Variants in LPP observed in about 807,000 individuals in gnomAD.
LPP encodes the protein lipoma-preferred partner.
Under a neutral mutation model 60.4 loss-of-function variants are expected in LPP, and 38 were observed. The observed-to-expected ratio is 0.63, with a 90% confidence interval of 0.49 to 0.83. LPP has a LOEUF of 0.83. LPP is among the 40% of genes least tolerant of loss of function. The probability of loss-of-function intolerance (pLI) is 0.00; values close to 1 mark genes in which losing one functional copy is unlikely to be tolerated. For synonymous variants in LPP, 328 were observed against 290.8 expected (o/e 1.13, Z -1.30); for missense variants, 902 against 783.6 (o/e 1.15, Z -1.80).
At chr3:188,191,856 A>G (rs1176453354) in intron 1 of LPP, among the ~76,000 whole-genome samples, 1 of 152,196 alleles carries the variant, frequency 6.6e-6, no homozygotes, top group Non-Finnish European at 1.5e-5. Flanking sequence ...TTTAGTAGGC[A>G]AGTTATCCAT....
chr3:188,673,051 C>T (rs115217047), intron 7 of LPP, among the ~76,000 whole-genome samples: 1 of 151,342 alleles, frequency 6.6e-6, no homozygotes, highest in African/African-American at 2.4e-5. Flanking sequence ...GTGTGTGCAA[C>T]ATGGTCTGTC....
At chr3:188,401,052 T>G (rs1782123337) in intron 3 of LPP, among the ~76,000 whole-genome samples, 1 of 152,228 alleles carries the variant, frequency 6.6e-6, no homozygotes, top group Non-Finnish European at 1.5e-5. Flanking sequence ...GTATTCATTT[T>G]GCAAATGAGT....
chr3:188,206,552 A>G (rs1733278948), intron 1 of LPP, among the ~76,000 whole-genome samples: 1 of 152,210 alleles, frequency 6.6e-6, no homozygotes, highest in Non-Finnish European at 1.5e-5. Flanking sequence ...GATCTAATGG[A>G]GAGACAGAAA....
intron 8 of LPP, among the ~76,000 whole-genome samples, chr3:188,741,346 A>T (rs1560141141): frequency 6.6e-6 from 1 of 151,930 alleles, no homozygotes; most frequent in Non-Finnish European, 1.5e-5. Flanking sequence ...TTTTAGAGCA[A>T]ATCTTCATAT....
chr3:188,491,884 T>C (rs1325907131), intron 5 of LPP, among the ~76,000 whole-genome samples: 4 of 152,192 alleles, frequency 2.6e-5, no homozygotes, highest in Admixed American at 6.5e-5. Context: ...TAGGAAACTT[T>C]TAATGGAATA....
intron 9 of LPP, among the ~76,000 whole-genome samples, chr3:188,825,302 T>TGC (rs1755162111): frequency 6.7e-6 from 1 of 149,640 alleles, no homozygotes; most frequent in African/African-American, 2.5e-5. Context: ...TGTGTGTGTG[T>TGC]GTGTGTGTGT....
intron 8 of LPP, chr3:188,746,381 C>G: frequency 2.2e-6 from 1 of 455,512 alleles, no homozygotes; most frequent in South Asian, 1.6e-5. Flanking sequence ...ATGAAAGGAA[C>G]AATCTACAGG....
intron 7 of LPP, among the ~76,000 whole-genome samples, chr3:188,657,541 C>T (rs1342701697): frequency 6.6e-6 from 1 of 151,848 alleles, no homozygotes; most frequent in Non-Finnish European, 1.5e-5. Context: ...GTTTGCTACT[C>T]GTGAGTTTAT....
At chr3:188,735,772 T>A (rs952205106) in intron 8 of LPP, among the ~76,000 whole-genome samples, 21 of 152,172 alleles carry the variant, frequency 1.4e-4, no homozygotes, top group Admixed American at 9.2e-4. Flanking sequence ...AGTTTCAAAC[T>A]AACACTGTGG....
At chr3:188,288,919 A>G (rs1245385570) in intron 2 of LPP, among the ~76,000 whole-genome samples, 12 of 150,616 alleles carry the variant, frequency 8.0e-5, no homozygotes, top group African/African-American at 2.7e-4. Flanking sequence ...AAATGATGTT[A>G]TAAGTTTTTG....
chr3:188,490,481 C>T lies in LPP; in HGVS notation c.306+5777C>T, dbSNP rs554221710. On this transcript the variant is annotated intron_variant, in intron 5 of 11. Transcript: ENST00000617246. ...GTTCAAGCGATTCTCCTGTCTCAGC[C>T]CACCGAGTAGCTGGGACTTTATAAG... 5.6e-4 allele frequency among the ~76,000 whole-genome samples: 85 copies of T among 151,860 alleles called. 2 individuals carry two copies. The South Asian group carries it at 0.016, about 29-fold the overall frequency.
intron 9 of LPP, among the ~76,000 whole-genome samples, chr3:188,837,891 G>T (rs1000377994): frequency 6.6e-6 from 1 of 152,134 alleles, no homozygotes; most frequent in African/African-American, 2.4e-5. Context: ...AATCCTGGCA[G>T]TGTGTTCTTT....
chr3:188,603,268 A>T (rs1841779549), intron 6 of LPP, among the ~76,000 whole-genome samples: 1 of 151,422 alleles, frequency 6.6e-6, no homozygotes, highest in African/African-American at 2.4e-5. Flanking sequence ...TAGGAGAGAG[A>T]AAGATTTTCC....
chr3:188,280,699 C>G (rs1467216034), intron 2 of LPP, among the ~76,000 whole-genome samples: 1 of 152,020 alleles, frequency 6.6e-6, no homozygotes, highest in East Asian at 1.9e-4. Flanking sequence ...CACCAAGAGC[C>G]AGAACAGGGT....
At chr3:188,243,855 TTTAA>T (rs1442400919) in intron 2 of LPP, among the ~76,000 whole-genome samples, 3 of 152,064 alleles carry the variant, frequency 2.0e-5, no homozygotes, top group African/African-American at 7.2e-5. Flanking sequence ...CATCTTTTTT[TTTAA>T]TTAATTATTT....
At chr3:188,850,780 G>A (rs771450436) in intron 9 of LPP, among the ~76,000 whole-genome samples, 18 of 152,168 alleles carry the variant, frequency 1.2e-4, no homozygotes, top group Non-Finnish European at 2.5e-4. Flanking sequence ...GCAGTGCCTG[G>A]AGTGCTGAGT....
At chr3:188,568,212 G>T (rs1043186617) in intron 6 of LPP, 1 of 151,956 alleles carries the variant, frequency 6.6e-6, no homozygotes, top group Middle Eastern at 3.2e-3. Flanking sequence ...TGAAATTTCA[G>T]TAAACATTAT....
chr3:188,566,500 A>G (rs1436484864), intron 6 of LPP, among the ~76,000 whole-genome samples: 1 of 151,880 alleles, frequency 6.6e-6, no homozygotes, highest in Non-Finnish European at 1.5e-5. Flanking sequence ...TAAGGACTCT[A>G]TTCGATGATC....
At chr3:188,359,858 G>T (rs185815651) in intron 3 of LPP, among the ~76,000 whole-genome samples, 2 of 152,188 alleles carry the variant, frequency 1.3e-5, no homozygotes, top group South Asian at 4.1e-4. Context: ...CGATACTCTT[G>T]TTCTTTAGGT....
Sources: allele counts gnomAD v4.1 joint callset (sites outside exome capture counted in the v4.1 genomes callset), GRCh38; gene constraint gnomAD v4.1.1; transcripts MANE v1.5; gene names NCBI Gene and HGNC (gene_info 2026-07-23, HGNC 2026-07-21).